DPP10: variants seen among roughly 807,000 people sequenced by gnomAD.
DPP10 encodes the protein dipeptidyl peptidase like 10, also known as inactive dipeptidyl peptidase 10.
A neutral mutation model predicts 120.9 loss-of-function variants in DPP10; 33 were observed. The observed-to-expected ratio is 0.27, with a 90% CI of 0.21 to 0.37. The LOEUF is 0.37. DPP10 is among the 10% of genes least tolerant of loss of function. The pLI is 1.00. For missense variants in DPP10, 816 were observed against 942.8 expected (o/e 0.87, Z 1.76); for synonymous variants, 337 against 326.1 (o/e 1.03, Z -0.36).
At chr2:114,758,432 G>A (rs564919077) in intron 1 of DPP10, among the ~76,000 whole-genome samples, 4 of 152,090 alleles carry the variant, frequency 2.6e-5, no homozygotes, top group African/African-American at 7.2e-5. Context: ...TTTTTCCCTC[G>A]TCTACTTAAA....
intron 1 of DPP10, among the ~76,000 whole-genome samples, chr2:114,953,578 C>A (rs74550286): frequency 2.6e-5 from 4 of 151,782 alleles, no homozygotes; most frequent in African/African-American, 9.7e-5. Context: ...TTATTCTGAG[C>A]GAAGGTCTCC....
chr2:115,068,623 T>C (rs1421837634), intron 1 of DPP10, among the ~76,000 whole-genome samples: 4 of 152,190 alleles, frequency 2.6e-5, no homozygotes. Flanking sequence ...TTGGGGATCA[T>C]ATCCAAAAAT....
chr2:115,093,428 T>A (rs1709447420), intron 1 of DPP10, among the ~76,000 whole-genome samples: 1 of 152,144 alleles, frequency 6.6e-6, no homozygotes, highest in Non-Finnish European at 1.5e-5. Context: ...TTGCCCAATA[T>A]AAATAATAAC....
intron 21 of DPP10, among the ~76,000 whole-genome samples, chr2:115,828,961 AT>A (rs1192612984): frequency 4.6e-5 from 7 of 152,142 alleles, no homozygotes; most frequent in Admixed American, 6.5e-5. Flanking sequence ...ATTTTGCTAT[AT>A]TAAAGATAGC....
intron 1 of DPP10, among the ~76,000 whole-genome samples, chr2:115,037,520 C>G (rs1704310324): frequency 6.6e-6 from 1 of 152,158 alleles, no homozygotes; most frequent in Non-Finnish European, 1.5e-5. Context: ...TAAAATTGTC[C>G]TCGAGAAGCT....
intron 1 of DPP10, among the ~76,000 whole-genome samples, chr2:114,529,101 T>C (rs571656978): frequency 6.6e-6 from 1 of 152,234 alleles, no homozygotes; most frequent in African/African-American, 2.4e-5. Context: ...TTGTCAGCTC[T>C]TCTGGTTGCT....
chr2:114,798,250 C>A (rs1345174727), intron 1 of DPP10, among the ~76,000 whole-genome samples: 1 of 151,848 alleles, frequency 6.6e-6, no homozygotes, highest in Non-Finnish European at 1.5e-5. Flanking sequence ...ATGAGGAACA[C>A]CTGAAGTTTA....
chr2:114,936,347 G>T (rs140271119), intron 1 of DPP10, among the ~76,000 whole-genome samples: 2 of 151,290 alleles, frequency 1.3e-5, no homozygotes, highest in Non-Finnish European at 2.9e-5. Context: ...AGTAGTGTTC[G>T]ATAGTGTATA....
intron 5 of DPP10, among the ~76,000 whole-genome samples, chr2:115,645,035 C>T (rs1041013494): frequency 3.9e-5 from 6 of 152,124 alleles, no homozygotes; most frequent in African/African-American, 1.2e-4. Flanking sequence ...TGTATAGGAA[C>T]TTGCCCTTTG....
chr2:114,830,374 C>T (rs1427723301), intron 1 of DPP10, among the ~76,000 whole-genome samples: 1 of 152,092 alleles, frequency 6.6e-6, no homozygotes, highest in Non-Finnish European at 1.5e-5. Flanking sequence ...GCTGTTCATT[C>T]AAGTTTTTTC....
chr2:114,688,216 G>A (rs1699497298), intron 1 of DPP10, among the ~76,000 whole-genome samples: 1 of 151,782 alleles, frequency 6.6e-6, no homozygotes, highest in Admixed American at 6.6e-5. Flanking sequence ...AAGAGGGTGG[G>A]GCTAGCCTGT....
At chr2:114,781,924 A>G (rs1265818701) in intron 1 of DPP10, among the ~76,000 whole-genome samples, 5 of 152,088 alleles carry the variant, frequency 3.3e-5, no homozygotes, top group Admixed American at 3.3e-4. Context: ...CGTAATAAAA[A>G]CATATAAGGT....
chr2:114,674,362 T>A (rs1360081170), intron 1 of DPP10, among the ~76,000 whole-genome samples: 1 of 152,138 alleles, frequency 6.6e-6, no homozygotes, highest in Non-Finnish European at 1.5e-5. Context: ...TTTTGTTTAC[T>A]TCATCTAACC....
At chr2:114,693,515 T>C (rs1436891039) in intron 1 of DPP10, among the ~76,000 whole-genome samples, 1 of 151,948 alleles carries the variant, frequency 6.6e-6, no homozygotes, top group East Asian at 1.9e-4. Flanking sequence ...TTAACATTTT[T>C]TCTTTCATTT....
chr2:115,215,247 C>G (rs2056750484), intron 1 of DPP10, among the ~76,000 whole-genome samples: 1 of 151,934 alleles, frequency 6.6e-6, no homozygotes, highest in Non-Finnish European at 1.5e-5. Context: ...GATATTTGTC[C>G]AAATGAAGAA....
intron 11 of DPP10, among the ~76,000 whole-genome samples, chr2:115,757,312 C>T (rs750905101): frequency 1.3e-5 from 2 of 151,732 alleles, no homozygotes; most frequent in African/African-American, 2.4e-5. Flanking sequence ...AAAGACATAC[C>T]GAGACTGGGC....
chr2:115,069,704 T>C (rs1287725665), intron 1 of DPP10, among the ~76,000 whole-genome samples: 3 of 151,958 alleles, frequency 2.0e-5, no homozygotes, highest in East Asian at 3.9e-4. Flanking sequence ...ATTAGACAGA[T>C]CCAAATTCCA....
chr2:115,804,488 T>G (rs1685671499), intron 19 of DPP10, among the ~76,000 whole-genome samples: 1 of 152,174 alleles, frequency 6.6e-6, no homozygotes, highest in Admixed American at 6.5e-5. Flanking sequence ...CTGCGTTCCT[T>G]TGGAGGAGGA....
intron 3 of DPP10, among the ~76,000 whole-genome samples, chr2:115,455,308 G>C (rs981627467): frequency 6.6e-6 from 1 of 151,672 alleles, no homozygotes; most frequent in Non-Finnish European, 1.5e-5. Flanking sequence ...AAATTGATGA[G>C]CTGGTTTAGA....
Sources: allele counts gnomAD v4.1 joint callset (sites outside exome capture counted in the v4.1 genomes callset), GRCh38; gene constraint gnomAD v4.1.1; transcripts MANE v1.5; gene names NCBI Gene and HGNC (gene_info 2026-07-23, HGNC 2026-07-21).